Variants in NOVA1 observed in about 807,000 individuals in gnomAD.
NOVA1 encodes NOVA alternative splicing regulator 1.
NOVA1 carries 7 observed loss-of-function variants against 38.0 expected under a neutral mutation model. That is an observed-to-expected ratio of 0.18 (90% CI 0.10 to 0.35). NOVA1 has a LOEUF of 0.35. NOVA1 is among the 10% of genes least tolerant of loss of function. The pLI is 1.00. For missense variants in NOVA1, 460 were observed against 616.0 expected (o/e 0.75, Z 2.68); for synonymous variants, 270 against 232.5 (o/e 1.16, Z -1.47).
chr14:26,581,534 G>A (rs1893222297), intron 2 of NOVA1, among the ~76,000 whole-genome samples: 2 of 151,810 alleles, frequency 1.3e-5, no homozygotes, highest in Admixed American at 6.6e-5. Flanking sequence ...ATGAAAATAG[G>A]AAAATAGAAA....
At chr14:26,471,045 C>T (rs1594353973) in intron 4 of NOVA1, among the ~76,000 whole-genome samples, 1 of 151,996 alleles carries the variant, frequency 6.6e-6, no homozygotes, top group African/African-American at 2.4e-5. Context: ...TTATGTAGTA[C>T]CATTTCCTTC....
chr14:26,530,207 G>A (rs1022670231), intron 2 of NOVA1, among the ~76,000 whole-genome samples: 3 of 152,108 alleles, frequency 2.0e-5, no homozygotes, highest in Non-Finnish European at 2.9e-5. Flanking sequence ...CGTGAGCCAC[G>A]CGCCCAGCCT....
chr14:26,530,557 C>G (rs957826040), intron 2 of NOVA1, among the ~76,000 whole-genome samples: 3 of 152,032 alleles, frequency 2.0e-5, no homozygotes, highest in African/African-American at 4.8e-5. Flanking sequence ...TGGGAAAAGA[C>G]TGGAAGCGTA....
At chr14:26,576,841 A>C (rs1892879972) in intron 2 of NOVA1, among the ~76,000 whole-genome samples, 1 of 151,904 alleles carries the variant, frequency 6.6e-6, no homozygotes, top group African/African-American at 2.4e-5. Flanking sequence ...ATTATCTATC[A>C]CTTTCCACAG....
intron 4 of NOVA1, among the ~76,000 whole-genome samples, chr14:26,454,789 G>C (rs1053255413): frequency 2.6e-5 from 4 of 152,060 alleles, no homozygotes; most frequent in African/African-American, 9.7e-5. Flanking sequence ...AAGACATGTA[G>C]ATTAATTTAC....
At position 26,508,581 on chromosome 14, in the gene NOVA1, T is replaced by C. The variant is rs1426152439; in HGVS notation, c.281-28438A>G. Reference sequence around the variant, plus strand: ...ACACACACACACACACACACACCATTTATCCGCATACACTTAAGCATACTT... The same window carrying C: ...ACACACACACACACACACACACCATCTATCCGCATACACTTAAGCATACTT... On this transcript the variant is annotated intron_variant, in intron 2 of 4. Transcript: ENST00000539517. Among the ~76,000 whole-genome samples, 2 of 144,370 alleles carry C rather than the reference T, an allele frequency of 1.4e-5. 1 individual carries two copies. Among genetic ancestry groups the C allele is most frequent in the African/African-American group, 5.0e-5 (2 of 40,230 alleles). The allele number at this position is 144,370 out of a possible 152,430, so 94.7% of individuals were successfully genotyped here.
intron 2 of NOVA1, among the ~76,000 whole-genome samples, chr14:26,569,530 T>C (rs1892343475): frequency 1.3e-5 from 2 of 152,230 alleles, no homozygotes; most frequent in Non-Finnish European, 2.9e-5. Context: ...ATGTGAATGA[T>C]ACGTTAAGAA....
intron 2 of NOVA1, among the ~76,000 whole-genome samples, chr14:26,517,380 C>A (rs1026740347): frequency 1.3e-5 from 2 of 152,174 alleles, no homozygotes; most frequent in Non-Finnish European, 2.9e-5. Flanking sequence ...TACAAAGCTT[C>A]TTTTCCTCCT....
chr14:26,591,399 C>T (rs1170622511), intron 2 of NOVA1, among the ~76,000 whole-genome samples: 1 of 151,612 alleles, frequency 6.6e-6, no homozygotes, highest in Non-Finnish European at 1.5e-5. Context: ...CTATTAAACC[C>T]ACCCAACAAT....
rs984343589 is a variant in NOVA1, at chr14:26,446,859, C to T, written c.*1100G>A. The T allele has an allele frequency of 6.6e-6, 1 of 152,618 alleles. No homozygotes were observed. Among genetic ancestry groups the T allele is most frequent in the Non-Finnish European group, 1.5e-5 (1 of 68,040 alleles). The allele number at this position is 152,618 out of a possible 1,614,324, so 9.5% of individuals were successfully genotyped here. A position where few individuals can be genotyped will look rare whatever the true frequency, so the allele number is the denominator to read the frequency against. On this transcript the variant is annotated 3_prime_UTR_variant, in exon 5 of 5. Coordinates refer to ENST00000539517, the MANE Select transcript of NOVA1 (RefSeq NM_002515.3). ...TGGTTGGTGACATAAAAATGCTCCA[C>T]AAAACATGCAAATTACCGAGTATTA...
chr14:26,455,005 C>A (rs1420717271), intron 4 of NOVA1, among the ~76,000 whole-genome samples: 3 of 152,106 alleles, frequency 2.0e-5, no homozygotes, highest in Non-Finnish European at 4.4e-5. Context: ...AAATAAAAAT[C>A]TGCCTGTGTG....
chr14:26,574,074 G>A (rs1488380280), intron 2 of NOVA1, among the ~76,000 whole-genome samples: 1 of 140,756 alleles, frequency 7.1e-6, no homozygotes, highest in Non-Finnish European at 1.5e-5. Flanking sequence ...CACCCAGGCT[G>A]GAGTGCAGTG....
intron 2 of NOVA1, among the ~76,000 whole-genome samples, chr14:26,482,026 A>T (rs1180652524): frequency 6.8e-6 from 1 of 146,536 alleles, no homozygotes; most frequent in Non-Finnish European, 1.5e-5. Flanking sequence ...ATGGCTCTAA[A>T]TAACTAAAGA....
At chr14:26,479,689 T>C (rs1270933270) in intron 3 of NOVA1, 16 of 381,152 alleles carry the variant, frequency 4.2e-5, no homozygotes, top group East Asian at 7.6e-5. Flanking sequence ...CAGATTCAAT[T>C]CCTATAAATT....
At chr14:26,558,253 A>G (rs1471289860) in intron 2 of NOVA1, among the ~76,000 whole-genome samples, 1 of 152,180 alleles carries the variant, frequency 6.6e-6, no homozygotes. Context: ...ACTTCAGTTA[A>G]TAAGAATATC....
chr14:26,595,530 C>T lies in NOVA1; in HGVS notation c.160G>A (p.Val54Ile). 6.2e-7 allele frequency: 1 copy of T among 1,613,304 alleles called. No homozygotes were observed. Among genetic ancestry groups the T allele is most frequent in the Non-Finnish European group, 8.5e-7 (1 of 1,179,704 alleles). ...CCAGCAGCATAACTAGGTATGAGAA[C>T]CTTTAGAAAATACTGGCCGTCTTCT... ...TGEDGQYFLK[V>I]LIPSYAAGSI... The change falls in exon 2 of 5, where the codon GTT becomes ATT. Residue 54 changes from valine to isoleucine, a missense_variant. By Grantham distance (29) the Val-to-Ile change is conservative (BLOSUM62 3). Coordinates refer to ENST00000539517, the MANE Select transcript of NOVA1 (RefSeq NM_002515.3).
At chr14:26,529,034 T>C (rs1889504126) in intron 2 of NOVA1, among the ~76,000 whole-genome samples, 1 of 152,092 alleles carries the variant, frequency 6.6e-6, no homozygotes, top group African/African-American at 2.4e-5. Flanking sequence ...CTAAGGTCTA[T>C]CCAACAAGTA....
intron 2 of NOVA1, among the ~76,000 whole-genome samples, chr14:26,490,402 G>C (rs1886242954): frequency 6.6e-6 from 1 of 152,140 alleles, no homozygotes; most frequent in East Asian, 1.9e-4. Flanking sequence ...GGTAATTCTA[G>C]CCTTTTGAGG....
intron 4 of NOVA1, among the ~76,000 whole-genome samples, chr14:26,457,201 A>T (rs1883254451): frequency 6.6e-6 from 1 of 152,118 alleles, no homozygotes; most frequent in Non-Finnish European, 1.5e-5. Flanking sequence ...ACAATTAAAA[A>T]ATAATTTTGG....
Sources: allele counts gnomAD v4.1 joint callset (sites outside exome capture counted in the v4.1 genomes callset), GRCh38; gene constraint gnomAD v4.1.1; transcripts MANE v1.5; gene names NCBI Gene and HGNC (gene_info 2026-07-23, HGNC 2026-07-21).